Variants in PSMA1 observed in about 807,000 individuals in gnomAD.
PSMA1 encodes proteasome subunit alpha type-1.
PSMA1 carries 3 observed loss-of-function variants against 38.4 expected under a neutral mutation model. The observed-to-expected ratio is 0.08, with a 90% CI of 0.04 to 0.20. The LOEUF (loss-of-function observed/expected upper bound fraction) is 0.20. Among genes scored for constraint, PSMA1 ranks in the 10% least tolerant of loss-of-function variants. PSMA1 has a pLI of 1.00. For synonymous variants in PSMA1, 101 were observed against 107.1 expected, an observed-to-expected ratio of 0.94 and a Z score of 0.35; for missense variants, 227 against 325.3, an observed-to-expected ratio of 0.70 and a Z score of 2.32.
At chr11:14,533,587 T>TTTC (rs1427110748) in intron 2 of PSMA1, among the ~76,000 whole-genome samples, 2 of 17,264 alleles carry the variant, frequency 1.2e-4, no homozygotes, top group Non-Finnish European at 2.1e-4. Context: ...TTTCTTTTCT[T>TTTC]TTTTTTTTTT....
At chr11:14,583,771 G>T (rs530385059) in intron 2 of PSMA1, among the ~76,000 whole-genome samples, 1 of 152,264 alleles carries the variant, frequency 6.6e-6, no homozygotes, top group East Asian at 1.9e-4. Flanking sequence ...TTTAAAAATA[G>T]GCAAACATAA....
chr11:14,637,011 A>G (rs1332915243), intron 1 of PSMA1, among the ~76,000 whole-genome samples: 1 of 152,244 alleles, frequency 6.6e-6, no homozygotes, highest in Admixed American at 6.5e-5. Flanking sequence ...TTGAAAAACA[A>G]TTAAATACAA....
At chr11:14,544,466 C>T (rs145103800) in intron 2 of PSMA1, among the ~76,000 whole-genome samples, 97 of 152,246 alleles carry the variant, frequency 6.4e-4, no homozygotes, top group Middle Eastern at 6.8e-3. Flanking sequence ...AGAACTCTCA[C>T]AGTTCAATAA....
intron 1 of PSMA1, among the ~76,000 whole-genome samples, chr11:14,620,718 A>C (rs1232560949): frequency 6.6e-6 from 1 of 152,230 alleles, no homozygotes; most frequent in African/African-American, 2.4e-5. Flanking sequence ...TAGTGGCTCA[A>C]CTTTTTTTGT....
intron 5 of PSMA1, 168 bp from the exon 6 acceptor site, chr11:14,514,055 A>C (rs1768274658): frequency 2.3e-6 from 3 of 1,329,460 alleles, no homozygotes; most frequent in African/African-American, 1.5e-5. Flanking sequence ...AAAATGTTTG[A>C]CTTTCTACCG....
intron 2 of PSMA1, among the ~76,000 whole-genome samples, chr11:14,555,259 G>T (rs1447831207): frequency 1.3e-5 from 2 of 152,154 alleles, no homozygotes; most frequent in East Asian, 3.9e-4. Context: ...CTTTATGCTT[G>T]CTGCTAAAAA....
intron 2 of PSMA1, among the ~76,000 whole-genome samples, chr11:14,591,485 C>T (rs1852414023): frequency 1.3e-5 from 2 of 152,312 alleles, no homozygotes; most frequent in South Asian, 4.1e-4. Context: ...GTTCCACCTG[C>T]AGCCCCAGTG....
intron 1 of PSMA1, among the ~76,000 whole-genome samples, chr11:14,634,233 T>C (rs1472099716): frequency 6.6e-6 from 1 of 152,172 alleles, no homozygotes; most frequent in Non-Finnish European, 1.5e-5. Flanking sequence ...AAACCAGTCG[T>C]TGGTGCCAAA....
intron 2 of PSMA1, among the ~76,000 whole-genome samples, chr11:14,590,841 T>C (rs1852405071): frequency 6.6e-6 from 1 of 152,202 alleles, no homozygotes; most frequent in African/African-American, 2.4e-5. Flanking sequence ...AGACTCACAA[T>C]TAGGCAATGG....
At chr11:14,582,143 T>A (rs28707098) in intron 2 of PSMA1, among the ~76,000 whole-genome samples, 1 of 152,134 alleles carries the variant, frequency 6.6e-6, no homozygotes, top group East Asian at 1.9e-4. Flanking sequence ...AGCCTTATAA[T>A]TTTGGGGTCT....
chr11:14,635,756 T>C (rs1279547285), intron 1 of PSMA1, among the ~76,000 whole-genome samples: 1 of 152,210 alleles, frequency 6.6e-6, no homozygotes, highest in Non-Finnish European at 1.5e-5. Flanking sequence ...AATAAGGTTG[T>C]ATGACTCATT....
intron 2 of PSMA1, among the ~76,000 whole-genome samples, chr11:14,537,618 A>G (rs1851724408): frequency 6.6e-6 from 1 of 151,298 alleles, no homozygotes; most frequent in Non-Finnish European, 1.5e-5. Flanking sequence ...AATGTGATTA[A>G]TTATAAATAT....
At chr11:14,623,295 G>T (rs2133712517) in intron 1 of PSMA1, among the ~76,000 whole-genome samples, 1 of 152,176 alleles carries the variant, frequency 6.6e-6, no homozygotes, top group South Asian at 2.1e-4. Context: ...TTTTTGGGTG[G>T]GTCTGTTCTG....
chr11:14,600,792 T>C (rs947712497), intron 2 of PSMA1, among the ~76,000 whole-genome samples: 2 of 152,194 alleles, frequency 1.3e-5, no homozygotes, highest in South Asian at 4.1e-4. Flanking sequence ...GGTACCTCAG[T>C]TGGAAATGCA....
intron 8 of PSMA1, among the ~76,000 whole-genome samples, chr11:14,509,562 G>A (rs1321159141): frequency 2.7e-5 from 4 of 149,624 alleles, no homozygotes; most frequent in African/African-American, 9.9e-5. Context: ...CGCCACGCCC[G>A]GCTGATTTTT....
chr11:14,564,120 C>T (rs1309925138), intron 2 of PSMA1, among the ~76,000 whole-genome samples: 1 of 152,194 alleles, frequency 6.6e-6, no homozygotes, highest in African/African-American at 2.4e-5. Context: ...AACCAGCATA[C>T]TGATATTGAT....
At chr11:14,630,219 G>C (rs969309300) in intron 1 of PSMA1, among the ~76,000 whole-genome samples, 3 of 152,252 alleles carry the variant, frequency 2.0e-5, no homozygotes, top group African/African-American at 4.8e-5. Context: ...GGAGTGGTGA[G>C]AGAGGGCATC....
intron 2 of PSMA1, among the ~76,000 whole-genome samples, chr11:14,531,560 TCAAGTGATCCCTCTAC>T (rs1161631863): frequency 2.6e-5 from 4 of 152,130 alleles, no homozygotes; most frequent in Non-Finnish European, 4.4e-5. Flanking sequence ...CCTCCTGGGT[TCAAGTGATCCCTCTAC>T]CTCAGCCTGA....
At chr11:14,571,989 T>C (rs1278972009) in intron 2 of PSMA1, among the ~76,000 whole-genome samples, 1 of 152,200 alleles carries the variant, frequency 6.6e-6, no homozygotes, top group Non-Finnish European at 1.5e-5. Context: ...ATGCACCCAA[T>C]ACAGGAGCAC....
Sources: gnomAD v4.1 joint callset for allele counts (sites outside exome capture counted in the v4.1 genomes callset) on GRCh38, gnomAD v4.1.1 for gene constraint, MANE v1.5 for transcripts, NCBI Gene and HGNC (gene_info 2026-07-23, HGNC 2026-07-21) for gene names.